LMO7: variants seen among roughly 807,000 people sequenced by gnomAD.
LMO7 encodes LIM domain only protein 7.
A neutral mutation model predicts 206.5 loss-of-function variants in LMO7; 120 were observed. That is an observed-to-expected ratio of 0.58 (90% CI 0.50 to 0.68). LMO7 has a LOEUF of 0.68. LMO7 is among the 30% of genes least tolerant of loss of function. The probability of loss-of-function intolerance (pLI) is 0.00; values close to 1 mark genes in which losing one functional copy is unlikely to be tolerated. For missense variants in LMO7, 1,959 were observed against 1,957.9 expected, an observed-to-expected ratio of 1.00 and a Z score of -0.01; for synonymous variants, 706 against 681.5, an observed-to-expected ratio of 1.04 and a Z score of -0.56.
intron 11 of LMO7, among the ~76,000 whole-genome samples, chr13:75,815,849 T>G (rs17065086): frequency 0.015 from 2,312 of 152,244 alleles, 33 homozygotes; most frequent in South Asian, 0.039. Context: ...AAAGTGGTTG[T>G]TAGGTTTCAG....
In LMO7 at chr13:75,808,115, C is replaced by T; in HGVS notation, c.1832C>T (p.Pro611Leu). ...TVPPISFTPG[P>L]CSEADLKRWE... ...CCTCCCATCAGTTTCACCCCTGGCC[C>T]CTGCAGTGAGGCTGACTTGAAGAGA... Residue 611 changes from proline (P) to leucine (L), a missense_variant, in exon 10 of 31, where the codon CCC (proline) becomes CTC (leucine). Coordinates refer to ENST00000377534, the MANE Select transcript of LMO7 (RefSeq NM_001306080.2). 6.2e-7 allele frequency: 1 copy of T among 1,613,894 alleles called. No homozygotes were observed. The highest frequency in any genetic ancestry group is 8.5e-7 in the Non-Finnish European group (1 of 1,179,860).
At chr13:75,685,238 C>T (rs1382403280) in intron 1 of LMO7, among the ~76,000 whole-genome samples, 1 of 152,138 alleles carries the variant, frequency 6.6e-6, no homozygotes. Flanking sequence ...CAGTAAACAT[C>T]CTGTAAGACT....
At chr13:75,630,003 A>G (rs1339671962) in intron 2 of LMO7, among the ~76,000 whole-genome samples, 1 of 152,212 alleles carries the variant, frequency 6.6e-6, no homozygotes, top group Non-Finnish European at 1.5e-5. Flanking sequence ...ACCCCTGTTC[A>G]TACGAAAACC....
rs556028745 is a variant in LMO7 at position 75,794,474 on chromosome 13, T to C, written c.318-927T>C. ...TCACATTCTCTTTTTACTTTTTCTCTGTATATATGAATATATATGTGTTTT... is the reference window on the plus strand; with the variant it reads ...TCACATTCTCTTTTTACTTTTTCTCCGTATATATGAATATATATGTGTTTT... On this transcript the variant is annotated intron_variant, in intron 4 of 30. Coordinates refer to ENST00000377534, the MANE Select transcript of LMO7 (RefSeq NM_001306080.2). 4.5e-4 allele frequency among the ~76,000 whole-genome samples: 69 copies of C among 152,328 alleles called. No homozygotes were observed. In the Middle Eastern group the frequency reaches 0.024, roughly 53 times the overall value.
Position 75,636,617 on chromosome 13 carries a change from C to T in LMO7, c.-41C>T, listed in dbSNP as rs1462310131. ...GACGCGCGGGGACAACCCCTCCCCT[C>T]CACGCATCCCGAGTCTCTCTCTCCC... On this transcript the variant is annotated 5_prime_UTR_variant, in exon 1 of 31. Transcript: ENST00000377534. 1 of 1,550,200 alleles carries T rather than the reference C, an allele frequency of 6.5e-7. No homozygotes were observed. The highest frequency in any genetic ancestry group is 8.7e-7 in the Non-Finnish European group (1 of 1,148,228).
chr13:75,734,533 A>G (rs548730655), intron 3 of LMO7, among the ~76,000 whole-genome samples: 1 of 152,352 alleles, frequency 6.6e-6, no homozygotes, highest in Non-Finnish European at 1.5e-5. Context: ...GGCATGGGTA[A>G]TTAAAGTTAG....
At position 75,823,822 on chromosome 13, in the gene LMO7, T is replaced by G; in HGVS notation, c.2898T>G (p.Ser966=). ...CCACATCTGGTCTTGATTTAATGTC[T>G]GAATCTGGAGAAGGGGAAATCTCCC... ...LSSTSGLDLM[S]ESGEGEISPQ... The change falls in exon 15 of 31, where the codon TCT becomes TCG. Residue 966 remains serine, a synonymous_variant. Transcript: ENST00000377534. The G allele has an allele frequency of 6.2e-7, 1 of 1,614,146 alleles. No individual in the cohort carries two copies. The highest frequency in any genetic ancestry group is 8.5e-7 in the Non-Finnish European group (1 of 1,179,998).
At chr13:75,850,389 C>T (rs2139578361) in intron 27 of LMO7, among the ~76,000 whole-genome samples, 1 of 152,256 alleles carries the variant, frequency 6.6e-6, no homozygotes, top group South Asian at 2.1e-4. Context: ...TAGTTTCTAG[C>T]ACTCTATCTT....
intron 1 of LMO7, among the ~76,000 whole-genome samples, chr13:75,694,664 G>T (rs933502798): frequency 6.6e-6 from 1 of 152,068 alleles, no homozygotes; most frequent in African/African-American, 2.4e-5. Flanking sequence ...GGAGAATGTC[G>T]GTATCATGGT....
At chr13:75,680,008 C>T (rs370155457) in intron 1 of LMO7, among the ~76,000 whole-genome samples, 27 of 152,312 alleles carry the variant, frequency 1.8e-4, no homozygotes, top group East Asian at 1.7e-3. Flanking sequence ...ATCAACTTAT[C>T]ACCTAAGTAT....
At chr13:75,802,676 C>T (rs2054908556) in intron 7 of LMO7, among the ~76,000 whole-genome samples, 1 of 152,116 alleles carries the variant, frequency 6.6e-6, no homozygotes, top group Admixed American at 6.5e-5. Context: ...GGAAATGGGG[C>T]TGCAGACCTT....
At chr13:75,820,256 C>T (rs983534990) in intron 13 of LMO7, among the ~76,000 whole-genome samples, 3 of 152,188 alleles carry the variant, frequency 2.0e-5, no homozygotes, top group Admixed American at 1.3e-4. Flanking sequence ...GTATTCCTTT[C>T]TAGATGTGAG....
chr13:75,673,509 C>T (rs1052688063), intron 1 of LMO7, among the ~76,000 whole-genome samples: 1 of 152,114 alleles, frequency 6.6e-6, no homozygotes, highest in Non-Finnish European at 1.5e-5. Flanking sequence ...AGATGTCCAA[C>T]AGCTACCTTG....
chr13:75,737,528 C>T (rs867353860), intron 3 of LMO7, among the ~76,000 whole-genome samples: 71 of 148,162 alleles, frequency 4.8e-4, no homozygotes, highest in Middle Eastern at 3.5e-3. Flanking sequence ...CCGAGGCGGG[C>T]GGATCACGAG....
At chr13:75,749,746 T>TTTAC (rs1000028093) in intron 3 of LMO7, among the ~76,000 whole-genome samples, 19 of 152,170 alleles carry the variant, frequency 1.2e-4, no homozygotes, top group African/African-American at 4.6e-4. Flanking sequence ...GGTTCCTATT[T>TTTAC]TTACTTTCAT....
At chr13:75,731,143 G>T (rs2045157903) in intron 3 of LMO7, among the ~76,000 whole-genome samples, 1 of 152,100 alleles carries the variant, frequency 6.6e-6, no homozygotes. Flanking sequence ...TGTCTATTAG[G>T]TCCGCCTGGT....
rs2033191711 is a variant in LMO7, at chr13:75,821,400, C to T, written c.2431C>T (p.Leu811Phe). Residue 811 changes from leucine to phenylalanine, a missense_variant, in exon 14 of 31, where the codon CTT becomes TTT. By Grantham distance (22) the Leu-to-Phe change is conservative. Transcript: ENST00000377534. Reference protein sequence around the residue: ...REDRVTTEIQLPSQSPVEEQS... With the variant: ...REDRVTTEIQFPSQSPVEEQS... ...GGACCGTGTAACAACTGAAATTCAG[C>T]TTCCTTCTCAAAGTCCTGTGGAAGA... The T allele has an allele frequency of 1.2e-6, 2 of 1,614,158 alleles. No homozygotes were observed. The highest frequency in any genetic ancestry group is 2.7e-5 in the African/African-American group (2 of 75,054).
Position 75,636,497 on chromosome 13 carries a change from C to G in LMO7, c.-161C>G. ...TTCGAGACCTTAACGAACTGCAGAG[C>G]GCAACAAAGGGAACTAGAGCCCCGG... On this transcript the variant is annotated 5_prime_UTR_variant, in exon 1 of 31. Transcript: ENST00000377534. The G allele has an allele frequency of 1.4e-6, 2 of 1,477,140 alleles. No individual in the cohort carries two copies. The highest frequency in any genetic ancestry group is 2.7e-5 in the South Asian group (2 of 73,520). 91.5% of individuals were successfully genotyped at this position (1,477,140 alleles called of 1,614,324 possible).
rs2058943930 is a variant in LMO7 at position 75,834,388 on chromosome 13, G to T, written c.3226+1G>T. On this transcript the variant is annotated splice_donor_variant, in intron 17 of 30. Coordinates refer to ENST00000377534, the MANE Select transcript of LMO7 (RefSeq NM_001306080.2). LOFTEE classifies it high-confidence loss of function. ...GATGTGAGGCGCTATGGAAAGGCTG[G>T]TGAGTTTGTGTTACCACCATGTCTG... 6.3e-7 allele frequency: 1 copy of T among 1,584,840 alleles called. No individual in the cohort carries two copies. The highest frequency in any genetic ancestry group is 8.6e-7 in the Non-Finnish European group (1 of 1,166,328).
Sources: gnomAD v4.1 joint callset for allele counts (sites outside exome capture counted in the v4.1 genomes callset) on GRCh38, gnomAD v4.1.1 for gene constraint, MANE v1.5 for transcripts, NCBI Gene and HGNC (gene_info 2026-07-23, HGNC 2026-07-21) for gene names.